PTPN1: variants seen among roughly 807,000 people sequenced by gnomAD.
PTPN1 encodes the protein tyrosine-protein phosphatase non-receptor type 1.
Under a neutral mutation model 59.9 loss-of-function variants are expected in PTPN1, and 12 were observed. That is an observed-to-expected ratio of 0.20 (90% CI 0.13 to 0.32). The LOEUF is 0.32. PTPN1 is among the 10% of genes least tolerant of loss of function. The probability of loss-of-function intolerance (pLI) is 1.00; values close to 1 mark genes in which losing one functional copy is unlikely to be tolerated. For missense variants in PTPN1, 356 were observed against 549.2 expected, an observed-to-expected ratio of 0.65 and a Z score of 3.52; for synonymous variants, 178 against 203.6, an observed-to-expected ratio of 0.87 and a Z score of 1.07.
At chr20:50,539,326 G>A (rs1460346759) in intron 1 of PTPN1, among the ~76,000 whole-genome samples, 4 of 152,198 alleles carry the variant, frequency 2.6e-5, no homozygotes, top group South Asian at 2.1e-4. Flanking sequence ...GTGAGCCACC[G>A]CGCCCAGCCT....
Position 50,551,288 on chromosome 20 carries a change from C to A in PTPN1, c.64-10075C>A, listed in dbSNP as rs1328186818. Among the ~76,000 whole-genome samples, 43 of 152,180 alleles carry A rather than the reference C, an allele frequency of 2.8e-4. 1 individual carries two copies. The highest frequency in any genetic ancestry group is 2.8e-3 in the Admixed American group (43 of 15,272). ...ATTCAGGTGAAGAAGGTTTCTGCCC[C>A]TCCTTGCCCCTTTTAAAATCTCCAG... On this transcript the variant is annotated intron_variant, in intron 1 of 9. Coordinates refer to ENST00000371621, the MANE Select transcript of PTPN1 (RefSeq NM_002827.4).
chr20:50,572,997 A>G (rs2082818610), intron 4 of PTPN1: 1 of 152,228 alleles, frequency 6.6e-6, no homozygotes, highest in Non-Finnish European at 1.5e-5. Flanking sequence ...ACTCTTGAGA[A>G]AGCTCTGTTG....
At position 50,579,892 on chromosome 20, in the gene PTPN1, A is replaced by T; in HGVS notation, c.1054A>T (p.Ser352Cys). 6.2e-7 allele frequency: 1 copy of T among 1,614,086 alleles called. No individual in the cohort carries two copies. The highest frequency in any genetic ancestry group is 8.5e-7 in the Non-Finnish European group (1 of 1,180,040). Reference protein sequence around the residue: ...KDCPIKEEKGSPLNAAPYGIE... With the variant: ...KDCPIKEEKGCPLNAAPYGIE... ...CTGCCCCATCAAGGAAGAAAAAGGA[A>T]GCCCCTTAAATGCCGCACCCTACGG... is the stretch of plus-strand genomic sequence containing the variant. Residue 352 changes from serine to cysteine, a missense_variant, in exon 8 of 10, where the codon AGC (serine) becomes TGC (cysteine). Ser to Cys is a moderately radical substitution (Grantham distance 112, BLOSUM62 -1). Coordinates refer to ENST00000371621, the MANE Select transcript of PTPN1 (RefSeq NM_002827.4).
chr20:50,510,411 G>A lies in PTPN1; in HGVS notation c.-117G>A, dbSNP rs979233024. ...AAGAAGCAGCAGCGGCTAGGGCGGC[G>A]GTAGCTGCAGGGGTCGGGGATTGCA... On this transcript the variant is annotated 5_prime_UTR_variant, in exon 1 of 10. Coordinates refer to ENST00000371621, the MANE Select transcript of PTPN1 (RefSeq NM_002827.4). 8.1e-6 allele frequency: 9 copies of A among 1,116,856 alleles called. No homozygotes were observed. Among genetic ancestry groups the A allele is most frequent in the African/African-American group, 6.6e-5 (4 of 60,990 alleles). 69.2% of individuals were successfully genotyped at this position (1,116,856 alleles called of 1,614,324 possible).
At chr20:50,565,786 C>T (rs531946201) in intron 3 of PTPN1, among the ~76,000 whole-genome samples, 59 of 152,220 alleles carry the variant, frequency 3.9e-4, no homozygotes, top group Non-Finnish European at 5.7e-4. Context: ...ATTTTTGTTT[C>T]TCATTCCATG....
intron 1 of PTPN1, among the ~76,000 whole-genome samples, chr20:50,544,214 A>C (rs1315229883): frequency 6.6e-6 from 1 of 152,052 alleles, no homozygotes; most frequent in Non-Finnish European, 1.5e-5. Flanking sequence ...ACAGTGGCCC[A>C]ATCATGGCTA....
chr20:50,578,381 G>T, intron 5 of PTPN1, 39 bp from the exon 6 acceptor site: 2 of 1,536,560 alleles, frequency 1.3e-6, no homozygotes, highest in South Asian at 2.2e-5. Context: ...CTGTACAGAT[G>T]ATTCTTTTAG....
intron 1 of PTPN1, among the ~76,000 whole-genome samples, chr20:50,555,237 A>G (rs777455154): frequency 3.3e-5 from 5 of 152,250 alleles, no homozygotes; most frequent in Non-Finnish European, 7.3e-5. Flanking sequence ...AAGAAAAGAC[A>G]TACAAATTAA....
At chr20:50,547,367 C>T (rs2082680066) in intron 1 of PTPN1, among the ~76,000 whole-genome samples, 1 of 151,438 alleles carries the variant, frequency 6.6e-6, no homozygotes, top group Non-Finnish European at 1.5e-5. Flanking sequence ...ATTTTATCTG[C>T]ATTAACTTTT....
intron 2 of PTPN1, among the ~76,000 whole-genome samples, chr20:50,563,928 A>T (rs2082766055): frequency 1.3e-5 from 2 of 152,226 alleles, no homozygotes; most frequent in Admixed American, 1.3e-4. Flanking sequence ...GGACTTCCAA[A>T]TGAAAGTTTA....
chr20:50,556,574 T>C (rs944631484), intron 1 of PTPN1, among the ~76,000 whole-genome samples: 2 of 152,202 alleles, frequency 1.3e-5, no homozygotes, highest in African/African-American at 4.8e-5. Flanking sequence ...GTAAGCAGAA[T>C]AGCAGAATGT....
Position 50,528,111 on chromosome 20 carries a change from A to C in PTPN1, c.63+17521A>C, listed in dbSNP as rs574811886. ...CTGTTTCCTCTGCCTGGAATATCCT[A>C]CCTTTTACTTAACTGATTCTCGTTC... On this transcript the variant is annotated intron_variant, in intron 1 of 9. Coordinates refer to ENST00000371621, the MANE Select transcript of PTPN1 (RefSeq NM_002827.4). Among the ~76,000 whole-genome samples, 7 of 152,022 alleles carry C rather than the reference A, an allele frequency of 4.6e-5. No individual in the cohort carries two copies. In the South Asian group the frequency reaches 1.5e-3, roughly 32 times the overall value.
At chr20:50,576,881 A>G (rs1044887119) in intron 5 of PTPN1, among the ~76,000 whole-genome samples, 18 of 152,262 alleles carry the variant, frequency 1.2e-4, no homozygotes, top group African/African-American at 4.1e-4. Flanking sequence ...TCTCAAAATA[A>G]TAATAATAAT....
chr20:50,579,979 C>A, intron 8 of PTPN1, 53 bp downstream of exon 8: 1 of 1,513,840 alleles, frequency 6.6e-7, no homozygotes, highest in Non-Finnish European at 9.1e-7. Flanking sequence ...ACTTTCTGTT[C>A]TAGAAACACA....
At chr20:50,516,721 T>C (rs993521863) in intron 1 of PTPN1, among the ~76,000 whole-genome samples, 1 of 152,186 alleles carries the variant, frequency 6.6e-6, no homozygotes, top group Non-Finnish European at 1.5e-5. Context: ...TACGCTATGC[T>C]TTTGCAGTTT....
chr20:50,519,287 A>C (rs901382344), intron 1 of PTPN1, among the ~76,000 whole-genome samples: 1 of 152,224 alleles, frequency 6.6e-6, no homozygotes, highest in Middle Eastern at 3.2e-3. Flanking sequence ...AAAACTTATC[A>C]GACATAGTTA....
rs917992168 is a variant in PTPN1 at position 50,584,288 on chromosome 20, T to A, written c.*1573T>A. On this transcript the variant is annotated 3_prime_UTR_variant, in exon 10 of 10. Coordinates refer to ENST00000371621, the MANE Select transcript of PTPN1 (RefSeq NM_002827.4). ...TGGTGAGGTGTGGATAAGGCTTAGG[T>A]GCCAGGCTGTAAGCATTCTGAGCTG... 6.6e-6 allele frequency: 1 copy of A among 152,518 alleles called. No individual in the cohort carries two copies. Among genetic ancestry groups the A allele is most frequent in the African/African-American group, 2.4e-5 (1 of 41,456 alleles). The allele number at this position is 152,518 out of a possible 1,614,324, so 9.4% of individuals were successfully genotyped here.
At chr20:50,546,187 G>A (rs780910241) in intron 1 of PTPN1, among the ~76,000 whole-genome samples, 11 of 152,228 alleles carry the variant, frequency 7.2e-5, no homozygotes, top group East Asian at 3.8e-4. Flanking sequence ...CCCCTGAAGC[G>A]CAGGCTCTGT....
intron 1 of PTPN1, among the ~76,000 whole-genome samples, chr20:50,556,130 T>A (rs1355877396): frequency 1.3e-5 from 2 of 152,290 alleles, no homozygotes; most frequent in East Asian, 1.9e-4. Context: ...TTAATTTATT[T>A]ACTCTTAGGT....
Sources: gnomAD v4.1 joint callset for allele counts (sites outside exome capture counted in the v4.1 genomes callset) on GRCh38, gnomAD v4.1.1 for gene constraint, MANE v1.5 for transcripts, NCBI Gene and HGNC (gene_info 2026-07-23, HGNC 2026-07-21) for gene names.